Variants in TMEM97 observed in about 807,000 individuals in gnomAD.
TMEM97 encodes transmembrane protein 97.
In TMEM97, 13 loss-of-function variants were observed where a neutral mutation model predicts 18.3. That is an observed-to-expected ratio of 0.71 (90% confidence interval 0.46 to 1.13). The LOEUF is 1.13. TMEM97 is among the 50% of genes most tolerant of loss of function. TMEM97 has a pLI of 0.00. For synonymous variants in TMEM97, 76 were observed against 85.3 expected (o/e 0.89, Z 0.60); for missense variants, 205 against 210.5 (o/e 0.97, Z 0.16).
chr17:28,320,695 G>T (rs1555574834), intron 1 of TMEM97, among the ~76,000 whole-genome samples: 1 of 152,218 alleles, frequency 6.6e-6, no homozygotes, highest in Non-Finnish European at 1.5e-5. Context: ...GAGGCCAGAA[G>T]TTCACAATGA....
intron 1 of TMEM97, chr17:28,319,750 TA>T: frequency 6.1e-6 from 1 of 164,392 alleles, no homozygotes; most frequent in Non-Finnish European, 1.3e-5. Context: ...GGAAGGGCTT[TA>T]AAATACCAGT....
In TMEM97 at chr17:28,327,160, A is replaced by G. The variant is rs1250116223; in HGVS notation, c.*367A>G. 1 of 220,104 alleles carries G rather than the reference A, an allele frequency of 4.5e-6. No individual in the cohort carries two copies. The highest frequency in any genetic ancestry group is 9.2e-6 in the Non-Finnish European group (1 of 108,340). 13.6% of individuals were successfully genotyped at this position (220,104 alleles called of 1,614,324 possible). ...TTGTTTTTTTTGTGTGTGTGGAGAC[A>G]GGGTTTTGCCATGTTGCCCAGGTTG... On this transcript the variant is annotated 3_prime_UTR_variant, in exon 3 of 3. Transcript: ENST00000226230.
chr17:28,319,391 C>G (rs1906045635), intron 1 of TMEM97, 26 bp downstream of exon 1: 1 of 1,419,828 alleles, frequency 7.0e-7, no homozygotes, highest in South Asian at 1.3e-5. Context: ...CTTATCCCGG[C>G]CCGCTGAGGC....
chr17:28,326,582 C>A lies in TMEM97; in HGVS notation c.320C>A (p.Thr107Asn). 1 of 1,614,146 alleles carries A rather than the reference C, an allele frequency of 6.2e-7. No homozygotes were observed. The highest frequency in any genetic ancestry group is 8.5e-7 in the Non-Finnish European group (1 of 1,180,028). Residue 107 changes from threonine (T) to asparagine (N), a missense_variant, in exon 3 of 3, where the codon ACC becomes AAC. Physicochemically the swap from Thr to Asn is moderately conservative, Grantham distance 65. Transcript: ENST00000226230. ...CCTGCAATCATCTACTCTGTTCACA[C>A]CATGACAACCTTAATTCCGATACTC... Reference protein sequence around the residue: ...RTPAIIYSVHTMTTLIPILST... With the variant: ...RTPAIIYSVHNMTTLIPILST...
At position 28,319,252 on chromosome 17, in the gene TMEM97, G is replaced by A. The variant is rs948203772; in HGVS notation, c.13G>A (p.Ala5Thr). 9 of 1,608,428 alleles carry A rather than the reference G, an allele frequency of 5.6e-6. No homozygotes were observed. In the African/African-American group the frequency reaches 8.0e-5, roughly 14 times the overall value. ...CAACCGACAGACTATGGGGGCTCCG[G>A]CAACCAGGCGCTGCGTGGAGTGGCT... MGAP[A>T]TRRCVEWLLG... The change falls in exon 1 of 3, where the codon GCA becomes ACA. Residue 5 changes from alanine (A) to threonine (T), a missense_variant. By Grantham distance (58) the Ala-to-Thr change is moderately conservative. Coordinates refer to ENST00000226230, the MANE Select transcript of TMEM97 (RefSeq NM_014573.3).
chr17:28,322,239 C>G (rs1476236778), intron 1 of TMEM97, among the ~76,000 whole-genome samples: 1 of 149,756 alleles, frequency 6.7e-6, no homozygotes, highest in African/African-American at 2.5e-5. Context: ...TTTTGTTTTT[C>G]TTTCTTTTTT....
rs1372463648 is a variant in TMEM97, at chr17:28,327,447, G to A, written c.*654G>A. 1.3e-5 allele frequency: 2 copies of A among 152,768 alleles called. No homozygotes were observed. Among genetic ancestry groups the A allele is most frequent in the African/African-American group, 4.8e-5 (2 of 41,434 alleles). 9.5% of individuals were successfully genotyped at this position (152,768 alleles called of 1,614,324 possible). Reference sequence around the variant, plus strand: ...AACTGCTAAAGAACATGGCCTGTTTGACATGTTCATGAGTCACCTGACCCA... The same window carrying A: ...AACTGCTAAAGAACATGGCCTGTTTAACATGTTCATGAGTCACCTGACCCA... On this transcript the variant is annotated 3_prime_UTR_variant, in exon 3 of 3. Transcript: ENST00000226230.
chr17:28,328,011 C>G lies in TMEM97; in HGVS notation c.*1218C>G, dbSNP rs1203654443. ...GTGGCTACAGCCAGGCATAACATAT[C>G]CACTGTGTGCATAGAGGGTCTCTTC... is the stretch of plus-strand genomic sequence containing the variant. On this transcript the variant is annotated 3_prime_UTR_variant, in exon 3 of 3. Coordinates refer to ENST00000226230, the MANE Select transcript of TMEM97 (RefSeq NM_014573.3). 1 of 152,724 alleles carries G rather than the reference C, an allele frequency of 6.5e-6. No individual in the cohort carries two copies. Among genetic ancestry groups the G allele is most frequent in the Non-Finnish European group, 1.5e-5 (1 of 68,124 alleles). The allele number at this position is 152,724 out of a possible 1,614,324, so 9.5% of individuals were successfully genotyped here. A position where few individuals can be genotyped will look rare whatever the true frequency, so the allele number is the denominator to read the frequency against.
chr17:28,319,239 T>C lies in TMEM97; in HGVS notation c.-1T>C, dbSNP rs1906032401. Reference sequence around the variant, plus strand: ...GCGGGTCCAGGCCCAACCGACAGACTATGGGGGCTCCGGCAACCAGGCGCT... The same window carrying C: ...GCGGGTCCAGGCCCAACCGACAGACCATGGGGGCTCCGGCAACCAGGCGCT... On this transcript the variant is annotated 5_prime_UTR_variant, in exon 1 of 3. Coordinates refer to ENST00000226230, the MANE Select transcript of TMEM97 (RefSeq NM_014573.3). 1 of 1,606,694 alleles carries C rather than the reference T, an allele frequency of 6.2e-7. No individual in the cohort carries two copies. Among genetic ancestry groups the C allele is most frequent in the Non-Finnish European group, 8.5e-7 (1 of 1,176,204 alleles).
At chr17:28,321,830 G>T (rs890007359) in intron 1 of TMEM97, among the ~76,000 whole-genome samples, 44 of 151,038 alleles carry the variant, frequency 2.9e-4, no homozygotes, top group Middle Eastern at 3.4e-3. Flanking sequence ...GTGTGTGTGT[G>T]TGTGTGTGTG....
At chr17:28,326,433 G>A in intron 2 of TMEM97, 101 bp from the exon 3 acceptor site, 1 of 1,397,016 alleles carries the variant, frequency 7.2e-7, no homozygotes, top group South Asian at 1.4e-5. Context: ...CTTGGAGAAG[G>A]GAGTAGAAGA....
rs782536935 is a variant in TMEM97, at chr17:28,328,619, T to C, written c.*1826T>C. 2.0e-6 allele frequency: 3 copies of C among 1,463,890 alleles called. No homozygotes were observed. The highest frequency in any genetic ancestry group is 2.4e-5 in the South Asian group (2 of 82,230). The allele number at this position is 1,463,890 out of a possible 1,614,324, so 90.7% of individuals were successfully genotyped here. A position where few individuals can be genotyped will look rare whatever the true frequency, so the allele number is the denominator to read the frequency against. On this transcript the variant is annotated 3_prime_UTR_variant, in exon 3 of 3. Coordinates refer to ENST00000226230, the MANE Select transcript of TMEM97 (RefSeq NM_014573.3). ...TGGTTTTGAGAGGCTTTTTTTTGTT[T>C]TGCCTTCCTACTATAAAAGCGAAAT...
Position 28,326,612 on chromosome 17 carries a change from C to T in TMEM97, c.350C>T (p.Thr117Ile). ...TMTTLIPILS[T>I]FLFEDFSKAS... is the part of the protein sequence containing the mutation. ...ACAACCTTAATTCCGATACTCTCCA[C>T]ATTTCTGTTTGAGGATTTCTCCAAA... Residue 117 changes from threonine (T) to isoleucine (I), a missense_variant, in exon 3 of 3, where the codon ACA becomes ATA. Transcript: ENST00000226230. 1.2e-6 allele frequency: 2 copies of T among 1,614,190 alleles called. No homozygotes were observed. The highest frequency in any genetic ancestry group is 1.7e-6 in the Non-Finnish European group (2 of 1,180,036).
rs1168480962 is a variant in TMEM97, at chr17:28,327,521, G to A, written c.*728G>A. ...CCCTCCACTCCTGATTCTCAAGAGT[G>A]TATCACCTGTCAGCAAAATGAATAG... is the stretch of plus-strand genomic sequence containing the variant. On this transcript the variant is annotated 3_prime_UTR_variant, in exon 3 of 3. Coordinates refer to ENST00000226230, the MANE Select transcript of TMEM97 (RefSeq NM_014573.3). The A allele has an allele frequency of 1.3e-5, 2 of 152,222 alleles. No homozygotes were observed. The highest frequency in any genetic ancestry group is 4.8e-5 in the African/African-American group (2 of 41,450). The allele number at this position is 152,222 out of a possible 1,614,324, so 9.4% of individuals were successfully genotyped here.
At position 28,326,836 on chromosome 17, in the gene TMEM97, G is replaced by A. The variant is rs1444087838; in HGVS notation, c.*43G>A. On this transcript the variant is annotated 3_prime_UTR_variant, in exon 3 of 3. Coordinates refer to ENST00000226230, the MANE Select transcript of TMEM97 (RefSeq NM_014573.3). ...CCAGGGTAGAGATGCCTACAGGGTG[G>A]TTGCTTGTTGGATACAATACAAGGA... The A allele has an allele frequency of 6.3e-7, 1 of 1,581,046 alleles. No homozygotes were observed. Among genetic ancestry groups the A allele is most frequent in the Non-Finnish European group, 8.5e-7 (1 of 1,170,868 alleles).
rs1906477288 is a variant in TMEM97, at chr17:28,328,515, A to G, written c.*1722A>G. ...CCCCCAGACTTGTAGTGCTGTCTTC[A>G]GGGGGCTGCATTCCTTACACGCCAC... On this transcript the variant is annotated 3_prime_UTR_variant, in exon 3 of 3. Transcript: ENST00000226230. 12 of 669,880 alleles carry G rather than the reference A, an allele frequency of 1.8e-5. 1 individual carries two copies. In the Admixed American group the frequency reaches 3.1e-4, roughly 17 times the overall value. The allele number at this position is 669,880 out of a possible 1,614,324, so 41.5% of individuals were successfully genotyped here.
intron 1 of TMEM97, among the ~76,000 whole-genome samples, chr17:28,320,801 A>C (rs1555574840): frequency 1.3e-5 from 2 of 152,180 alleles, no homozygotes; most frequent in Non-Finnish European, 2.9e-5. Flanking sequence ...GGTGGCTGCC[A>C]ATGTTCCTTG....
intron 1 of TMEM97, among the ~76,000 whole-genome samples, chr17:28,322,656 T>G (rs151128462): frequency 2.4e-4 from 36 of 152,318 alleles, no homozygotes; most frequent in African/African-American, 8.4e-4. Flanking sequence ...GTAACATTGC[T>G]TCTGGTAAAA....
chr17:28,327,096 G>C lies in TMEM97; in HGVS notation c.*303G>C, dbSNP rs562056352. ...TCTTCCTTAGCCTCCCAAGTAGCTAGAACTACAGGTGTGTACCAACACGTA... is the reference window on the plus strand; with the variant it reads ...TCTTCCTTAGCCTCCCAAGTAGCTACAACTACAGGTGTGTACCAACACGTA... On this transcript the variant is annotated 3_prime_UTR_variant, in exon 3 of 3. Coordinates refer to ENST00000226230, the MANE Select transcript of TMEM97 (RefSeq NM_014573.3). 26 of 365,742 alleles carry C rather than the reference G, an allele frequency of 7.1e-5. No individual in the cohort carries two copies. The South Asian group carries it at 7.2e-4, about 10-fold the overall frequency. 22.7% of individuals were successfully genotyped at this position (365,742 alleles called of 1,614,324 possible).
Sources: gnomAD v4.1 joint callset for allele counts (sites outside exome capture counted in the v4.1 genomes callset) on GRCh38, gnomAD v4.1.1 for gene constraint, MANE v1.5 for transcripts, NCBI Gene and HGNC (gene_info 2026-07-23, HGNC 2026-07-21) for gene names.